Variants in SLC16A7 observed in about 807,000 individuals in gnomAD.
SLC16A7 encodes solute carrier family 16 member 7.
Under a neutral mutation model 34.9 loss-of-function variants are expected in SLC16A7, and 33 were observed. The observed-to-expected ratio is 0.94, with a 90% CI of 0.72 to 1.26. The LOEUF is 1.26. Among genes scored for constraint, SLC16A7 ranks in the 50% most tolerant of loss-of-function variants. SLC16A7 has a pLI of 0.00. For missense variants in SLC16A7, 573 were observed against 578.1 expected, an observed-to-expected ratio of 0.99 and a Z score of 0.09; for synonymous variants, 201 against 206.6, an observed-to-expected ratio of 0.97 and a Z score of 0.23.
chr12:59,619,744 G>A (rs1879613237), intron 1 of SLC16A7, among the ~76,000 whole-genome samples: 1 of 151,774 alleles, frequency 6.6e-6, no homozygotes, highest in African/African-American at 2.4e-5. Context: ...ATGTGCAAGT[G>A]GAATAAATTG....
At chr12:59,678,123 C>T (rs543579466) in intron 2 of SLC16A7, among the ~76,000 whole-genome samples, 5 of 152,278 alleles carry the variant, frequency 3.3e-5, no homozygotes, top group African/African-American at 1.2e-4. Flanking sequence ...AGGTCACAGC[C>T]CTGGCTCAGG....
At chr12:59,726,845 A>T (rs1876306136) in intron 3 of SLC16A7, among the ~76,000 whole-genome samples, 1 of 152,068 alleles carries the variant, frequency 6.6e-6, no homozygotes, top group African/African-American at 2.4e-5. Context: ...AAAAATTAGG[A>T]ATTGTATGGG....
At chr12:59,672,269 CGT>C (rs1565641744) in intron 2 of SLC16A7, among the ~76,000 whole-genome samples, 1 of 120,266 alleles carries the variant, frequency 8.3e-6, no homozygotes, top group Non-Finnish European at 1.9e-5. Context: ...TGCATATATA[CGT>C]ATATATATGT....
intron 3 of SLC16A7, among the ~76,000 whole-genome samples, chr12:59,731,547 G>T (rs1876950094): frequency 6.6e-6 from 1 of 152,228 alleles, no homozygotes; most frequent in South Asian, 2.1e-4. Context: ...TCAATTAATT[G>T]AGTTTGCTGG....
chr12:59,635,696 A>AT (rs1377956131), intron 1 of SLC16A7, among the ~76,000 whole-genome samples: 1 of 152,032 alleles, frequency 6.6e-6, no homozygotes, highest in Non-Finnish European at 1.5e-5. Context: ...GATGGATTCT[A>AT]TTTTGACAAG....
At chr12:59,627,225 T>G (rs1433861033) in intron 1 of SLC16A7, among the ~76,000 whole-genome samples, 1 of 151,836 alleles carries the variant, frequency 6.6e-6, no homozygotes, top group East Asian at 1.9e-4. Flanking sequence ...CAGAAATAAT[T>G]TCCTGTGGCA....
chr12:59,768,738 T>TA (rs1234688492), intron 3 of SLC16A7, among the ~76,000 whole-genome samples: 1 of 152,118 alleles, frequency 6.6e-6, no homozygotes, highest in African/African-American at 2.4e-5. Context: ...GGCTCACACT[T>TA]ATAATCCCAG....
intron 3 of SLC16A7, among the ~76,000 whole-genome samples, chr12:59,746,874 A>G (rs1320137597): frequency 6.6e-6 from 1 of 152,218 alleles, no homozygotes; most frequent in Non-Finnish European, 1.5e-5. Context: ...TCACTCTGTC[A>G]TGCAGGCTGG....
intron 3 of SLC16A7, among the ~76,000 whole-genome samples, chr12:59,709,071 A>G (rs1873920546): frequency 6.6e-6 from 1 of 151,644 alleles, no homozygotes; most frequent in Admixed American, 6.6e-5. Context: ...TATTTTGTAA[A>G]TAGTGATTAC....
chr12:59,631,218 A>G (rs1880167348), intron 1 of SLC16A7, among the ~76,000 whole-genome samples: 1 of 151,966 alleles, frequency 6.6e-6, no homozygotes, highest in Non-Finnish European at 1.5e-5. Context: ...GCTCAGGCAA[A>G]GACATTGGGT....
intron 3 of SLC16A7, among the ~76,000 whole-genome samples, chr12:59,757,661 C>A (rs1377146539): frequency 6.6e-6 from 1 of 151,998 alleles, no homozygotes; most frequent in Non-Finnish European, 1.5e-5. Context: ...CCTCTCCTGC[C>A]TCTCCTGCCT....
At chr12:59,778,273 T>TTTG (rs1385433207) in intron 5 of SLC16A7, among the ~76,000 whole-genome samples, 1 of 152,142 alleles carries the variant, frequency 6.6e-6, no homozygotes, top group Non-Finnish European at 1.5e-5. Context: ...TTATGCCATT[T>TTTG]TTGTTATGTT....
At chr12:59,617,619 G>A (rs925113102) in intron 1 of SLC16A7, among the ~76,000 whole-genome samples, 6 of 151,970 alleles carry the variant, frequency 3.9e-5, no homozygotes, top group East Asian at 1.9e-4. Context: ...TAGGCTCTGC[G>A]CTTGTTTTCA....
At chr12:59,767,991 T>C in intron 3 of SLC16A7, 1 of 337,898 alleles carries the variant, frequency 3.0e-6, no homozygotes, top group Non-Finnish European at 5.8e-6. Context: ...ATACCTAATG[T>C]AAATGAGGAG....
chr12:59,635,466 CT>C (rs745375855), intron 1 of SLC16A7, among the ~76,000 whole-genome samples: 24 of 152,110 alleles, frequency 1.6e-4, no homozygotes, highest in African/African-American at 5.1e-4. Flanking sequence ...CAATCCAATG[CT>C]TTTGCCATTA....
At chr12:59,706,961 A>G (rs1427091367) in intron 3 of SLC16A7, among the ~76,000 whole-genome samples, 2 of 151,984 alleles carry the variant, frequency 1.3e-5, no homozygotes, top group Non-Finnish European at 2.9e-5. Context: ...GTTAGTTTTC[A>G]GACCTCAGAG....
chr12:59,760,605 C>T (rs573482198), intron 3 of SLC16A7, among the ~76,000 whole-genome samples: 1 of 152,164 alleles, frequency 6.6e-6, no homozygotes, highest in East Asian at 1.9e-4. Flanking sequence ...AAAGATCTTA[C>T]TGTACTATAC....
intron 3 of SLC16A7, among the ~76,000 whole-genome samples, chr12:59,756,401 A>G (rs983675076): frequency 6.6e-6 from 1 of 152,038 alleles, no homozygotes; most frequent in African/African-American, 2.4e-5. Flanking sequence ...AACTCAAACA[A>G]ATATACAAGA....
intron 3 of SLC16A7, 51 bp downstream of exon 3, chr12:59,705,069 A>G (rs1336604219): frequency 7.9e-7 from 1 of 1,263,096 alleles, no homozygotes. Context: ...TAATTCCTCC[A>G]TGTCACAATG....
Sources: allele counts gnomAD v4.1 joint callset (sites outside exome capture counted in the v4.1 genomes callset), GRCh38; gene constraint gnomAD v4.1.1; transcripts MANE v1.5; gene names NCBI Gene and HGNC (gene_info 2026-07-23, HGNC 2026-07-21).